Variants in KATNAL2 observed in about 807,000 individuals in gnomAD.
KATNAL2 encodes the protein katanin catalytic subunit A1 like 2, also known as katanin p60 ATPase-containing subunit A-like 2.
KATNAL2 carries 52 observed loss-of-function variants against 76.3 expected under a neutral mutation model. That is an observed-to-expected ratio of 0.68 (90% CI 0.55 to 0.86). The LOEUF is 0.86. KATNAL2 is among the 40% of genes least tolerant of loss of function. The pLI is 0.00. For missense variants in KATNAL2, 660 were observed against 668.9 expected (o/e 0.99, Z 0.15); for synonymous variants, 243 against 244.2 (o/e 1.00, Z 0.05).
intron 2 of KATNAL2, 36 bp from the exon 3 acceptor site, chr18:46,946,818 C>T: frequency 1.3e-6 from 2 of 1,516,606 alleles, no homozygotes; most frequent in Non-Finnish European, 1.8e-6. Flanking sequence ...ATCGACCGGT[C>T]AGCCCAGTAA....
chr18:46,954,757 C>T (rs2059674152), intron 3 of KATNAL2, among the ~76,000 whole-genome samples: 1 of 151,754 alleles, frequency 6.6e-6, no homozygotes, highest in African/African-American at 2.4e-5. Context: ...AATTCTCCCA[C>T]CTCAGCCTCC....
chr18:46,925,486 G>GT (rs1446392698), intron 1 of KATNAL2, among the ~76,000 whole-genome samples: 2 of 152,176 alleles, frequency 1.3e-5, no homozygotes, highest in Non-Finnish European at 2.9e-5. Flanking sequence ...CGGTTTGCCA[G>GT]TATTTTATTG....
chr18:47,077,785 AAAT>A (rs1482154387), intron 15 of KATNAL2, among the ~76,000 whole-genome samples: 19 of 152,376 alleles, frequency 1.2e-4, no homozygotes, highest in African/African-American at 4.6e-4. Flanking sequence ...TCCAGGACTC[AAAT>A]AATATTCCAG....
intron 6 of KATNAL2, among the ~76,000 whole-genome samples, chr18:47,055,566 C>T (rs534066528): frequency 6.6e-6 from 1 of 152,310 alleles, no homozygotes; most frequent in Non-Finnish European, 1.5e-5. Context: ...AATACTTGGC[C>T]TCGGGCTACC....
In KATNAL2 at chr18:47,045,444, G is replaced by A. The variant is rs1355401366; in HGVS notation, c.52-1013G>A. On this transcript the variant is annotated intron_variant, in intron 3 of 17. Coordinates refer to ENST00000683218, the MANE Select transcript of KATNAL2 (RefSeq NM_001387690.1). The stretch of plus-strand genomic sequence containing the variant: ...AGGTTCAAGTGGTTCTCATGCCTCA[G>A]CCTCTCGAGTAGCTGGGATTACAGG... Among the ~76,000 whole-genome samples, 5 of 151,696 alleles carry A rather than the reference G, an allele frequency of 3.3e-5. No homozygotes were observed. The East Asian group carries it at 9.7e-4, about 30-fold the overall frequency.
intron 11 of KATNAL2, among the ~76,000 whole-genome samples, chr18:47,068,782 C>T (rs541130762): frequency 5.3e-5 from 8 of 152,154 alleles, no homozygotes; most frequent in Non-Finnish European, 1.2e-4. Flanking sequence ...CAAGTTTCAC[C>T]GTAGCTCTGT....
chr18:47,099,031 C>T (rs1054107956), intron 15 of KATNAL2: 1 of 411,058 alleles, frequency 2.4e-6, no homozygotes, highest in Non-Finnish European at 4.3e-6. Flanking sequence ...TTCTGCTTTC[C>T]TCTCTTCCCT....
rs144057488 is a variant in KATNAL2, at chr18:46,960,856, G to A, written c.51+13933G>A. 3.7e-3 allele frequency among the ~76,000 whole-genome samples: 565 copies of A among 152,250 alleles called. 2 individuals are homozygous for A. The highest frequency in any genetic ancestry group is 4.3e-3 in the Non-Finnish European group (293 of 68,018). ...ACTAAACTGTAGAGGGACGAGACGC[G>A]GACAAAACCCCTCAGACACCGGGTT... On this transcript the variant is annotated intron_variant, in intron 3 of 17. Coordinates refer to ENST00000683218, the MANE Select transcript of KATNAL2 (RefSeq NM_001387690.1).
intron 4 of KATNAL2, among the ~76,000 whole-genome samples, chr18:47,047,769 C>T (rs1010392570): frequency 6.6e-6 from 1 of 152,026 alleles, no homozygotes; most frequent in Non-Finnish European, 1.5e-5. Context: ...GCCAGGGCTG[C>T]ATGATCATAG....
In KATNAL2 at chr18:47,052,923, G is replaced by T; in HGVS notation, c.166G>T (p.Gly56Trp). Residue 56 changes from glycine (G) to tryptophan (W), a missense_variant, in exon 5 of 18, where the codon GGG becomes TGG. Coordinates refer to ENST00000683218, the MANE Select transcript of KATNAL2 (RefSeq NM_001387690.1). ...ANALEQETKLGLRRFEVCDNI... is the reference protein window; with the variant it reads ...ANALEQETKLWLRRFEVCDNI... ...TGCTTTGGAGCAAGAAACTAAACTG[G>T]GGTTACGACGGTTTGAAGTTTGTGA... 1 of 1,611,496 alleles carries T rather than the reference G, an allele frequency of 6.2e-7. No individual in the cohort carries two copies. The highest frequency in any genetic ancestry group is 8.5e-7 in the Non-Finnish European group (1 of 1,179,046).
chr18:47,040,674 T>C (rs945314861), intron 3 of KATNAL2, among the ~76,000 whole-genome samples: 4 of 152,168 alleles, frequency 2.6e-5, no homozygotes, highest in Non-Finnish European at 5.9e-5. Flanking sequence ...TGGTGCACAC[T>C]TGTAGTCCCA....
intron 3 of KATNAL2, among the ~76,000 whole-genome samples, chr18:47,043,702 A>G (rs2061051316): frequency 6.6e-6 from 1 of 152,164 alleles, no homozygotes; most frequent in Non-Finnish European, 1.5e-5. Flanking sequence ...AGTAGAAAGG[A>G]CACAAAATCT....
chr18:46,923,228 C>T (rs1447366365), intron 1 of KATNAL2, among the ~76,000 whole-genome samples: 10 of 121,860 alleles, frequency 8.2e-5, no homozygotes, highest in South Asian at 3.0e-4. Context: ...CCCCACCCCA[C>T]AACAGTCCCC....
Position 47,052,773 on chromosome 18 carries a change from A to G in KATNAL2, c.123-107A>G. On this transcript the variant is annotated intron_variant, in intron 4 of 17. Coordinates refer to ENST00000683218, the MANE Select transcript of KATNAL2 (RefSeq NM_001387690.1). ...TACTAGTTTTCATCTAATGTGCTAT[A>G]TATAGGCTTACTTTTTGTATTGCAT... 7.2e-6 allele frequency: 6 copies of G among 827,934 alleles called. No individual in the cohort carries two copies. The South Asian group carries it at 1.2e-4, about 16-fold the overall frequency. The allele number at this position is 827,934 out of a possible 1,614,324, so 51.3% of individuals were successfully genotyped here. A position where few individuals can be genotyped will look rare whatever the true frequency, so the allele number is the denominator to read the frequency against.
At chr18:47,093,524 TTGTG>T (rs1417206331) in intron 15 of KATNAL2, among the ~76,000 whole-genome samples, 2 of 151,780 alleles carry the variant, frequency 1.3e-5, no homozygotes, top group Non-Finnish European at 2.9e-5. Flanking sequence ...ATGTGCATGT[TTGTG>T]TGTCTTTTTT....
chr18:47,082,555 C>G (rs2062578878), intron 15 of KATNAL2, among the ~76,000 whole-genome samples: 1 of 152,074 alleles, frequency 6.6e-6, no homozygotes, highest in African/African-American at 2.4e-5. Context: ...TTTTCTGTAT[C>G]TTGATTTTAT....
At chr18:46,951,718 G>GT (rs993698948) in intron 3 of KATNAL2, among the ~76,000 whole-genome samples, 45 of 152,202 alleles carry the variant, frequency 3.0e-4, no homozygotes, top group African/African-American at 7.2e-4. Flanking sequence ...TTTGGCTCAG[G>GT]TTAATACTCT....
At chr18:47,054,167 G>A (rs561798206) in intron 5 of KATNAL2, among the ~76,000 whole-genome samples, 182 of 152,298 alleles carry the variant, frequency 1.2e-3, no homozygotes, top group African/African-American at 3.9e-3. Context: ...TAATATCTGA[G>A]CCCTTTGCAA....
chr18:47,077,570 C>A lies in KATNAL2; in HGVS notation c.1211+109C>A, dbSNP rs905668350. 12 of 733,438 alleles carry A rather than the reference C, an allele frequency of 1.6e-5. No homozygotes were observed. The South Asian group carries it at 2.0e-4, about 12-fold the overall frequency. The allele number at this position is 733,438 out of a possible 1,614,324, so 45.4% of individuals were successfully genotyped here. A position where few individuals can be genotyped will look rare whatever the true frequency, so the allele number is the denominator to read the frequency against. On this transcript the variant is annotated intron_variant, in intron 15 of 17. Transcript: ENST00000683218. Reference sequence around the variant, plus strand: ...CAAAGCTGTGTTGTTTGGCTGCAGCCCTGGAAGATTAATGTGGAGGCTTTA... The same window carrying A: ...CAAAGCTGTGTTGTTTGGCTGCAGCACTGGAAGATTAATGTGGAGGCTTTA...
Sources: gnomAD v4.1 joint callset for allele counts (sites outside exome capture counted in the v4.1 genomes callset) on GRCh38, gnomAD v4.1.1 for gene constraint, MANE v1.5 for transcripts, NCBI Gene and HGNC (gene_info 2026-07-23, HGNC 2026-07-21) for gene names.